The following LGALS8 variants were observed in gnomAD, a reference collection of about 807,000 sequenced individuals.
The protein encoded by LGALS8 is galectin 8.
A neutral mutation model predicts 35.9 loss-of-function variants in LGALS8; 30 were observed. That is an observed-to-expected ratio of 0.83 (90% CI 0.62 to 1.13). The LOEUF (loss-of-function observed/expected upper bound fraction) is 1.13, where lower values mean the gene tolerates loss of function less well. LGALS8 is among the 50% of genes most tolerant of loss of function. The pLI is 0.00. For synonymous variants in LGALS8, 138 were observed against 136.1 expected (o/e 1.01, Z -0.10); for missense variants, 366 against 388.7 (o/e 0.94, Z 0.49).
chr1:236,543,281 G>T, intron 7 of LGALS8: 1 of 636,464 alleles, frequency 1.6e-6, no homozygotes, highest in Non-Finnish European at 2.8e-6. Context: ...CAGACCCCAG[G>T]CACAGGGGGC....
rs1281631496 is a variant in LGALS8, at chr1:236,548,526, C to T, written c.*365C>T. ...AAACTGTGAAGAGCTAGGATATATA[C>T]TTGGTGAAACAAACCAGTATGTTCC... On this transcript the variant is annotated 3_prime_UTR_variant, in exon 10 of 10. Transcript: ENST00000366584. The T allele has an allele frequency of 1.6e-5, 4 of 256,504 alleles. No homozygotes were observed. The Admixed American group carries it at 2.0e-4, about 13-fold the overall frequency. 15.9% of individuals were successfully genotyped at this position (256,504 alleles called of 1,614,324 possible).
upstream of LGALS8, chr1:236,523,005 G>A (rs905606843): frequency 2.0e-5 from 3 of 152,210 alleles, no homozygotes; most frequent in Admixed American, 6.5e-5. Flanking sequence ...GTGGATAAAA[G>A]CCAAGTAGAG....
chr1:236,551,272 C>A lies in LGALS8; in HGVS notation c.*3111C>A, dbSNP rs1042291346. 7.4e-6 allele frequency: 3 copies of A among 406,174 alleles called. No homozygotes were observed. The highest frequency in any genetic ancestry group is 8.0e-5 in the South Asian group (2 of 24,960). The allele number at this position is 406,174 out of a possible 1,614,324, so 25.2% of individuals were successfully genotyped here. A position where few individuals can be genotyped will look rare whatever the true frequency, so the allele number is the denominator to read the frequency against. Reference sequence around the variant, plus strand: ...ACCCCTTTAGTAGCTCACACCTCCCCCCTCCAAGAGCTAAGAAACAAAGGA... The same window carrying A: ...ACCCCTTTAGTAGCTCACACCTCCCACCTCCAAGAGCTAAGAAACAAAGGA... On this transcript the variant is annotated 3_prime_UTR_variant, in exon 10 of 10. Coordinates refer to ENST00000366584, the MANE Select transcript of LGALS8 (RefSeq NM_201544.4).
chr1:236,544,923 TA>T lies in LGALS8; in HGVS notation c.804+9del, dbSNP rs1662270401. ...CCTGGGATGTACTTTGAGGTGAGGTTACAGTTTTTGAAAATGGGACAGCAAT... is the reference window on the plus strand; with the variant it reads ...CCTGGGATGTACTTTGAGGTGAGGTTCAGTTTTTGAAAATGGGACAGCAAT... On this transcript the variant is annotated intron_variant, in intron 9 of 9. Coordinates refer to ENST00000366584, the MANE Select transcript of LGALS8 (RefSeq NM_201544.4). 1.9e-6 allele frequency: 3 copies of T among 1,598,032 alleles called. No homozygotes were observed. Among genetic ancestry groups the T allele is most frequent in the South Asian group, 2.3e-5 (2 of 88,388 alleles).
At chr1:236,546,527 C>A (rs1662374097) in intron 9 of LGALS8, among the ~76,000 whole-genome samples, 1 of 119,752 alleles carries the variant, frequency 8.4e-6, no homozygotes, top group African/African-American at 3.2e-5. Flanking sequence ...GTGGGCTCTT[C>A]CTCTGGATGA....
In LGALS8 at chr1:236,552,177, G is replaced by T; in HGVS notation, c.*4016G>T. The T allele has an allele frequency of 1.0e-6, 1 of 988,554 alleles. No individual in the cohort carries two copies. Among genetic ancestry groups the T allele is most frequent in the Non-Finnish European group, 1.6e-6 (1 of 641,290 alleles). 61.2% of individuals were successfully genotyped at this position (988,554 alleles called of 1,614,324 possible). A position where few individuals can be genotyped will look rare whatever the true frequency, so the allele number is the denominator to read the frequency against. ...TATTTATTATCTTAAGAGCTGTACT[G>T]ACTTGAGACAAGCTCTAACTTTTTA... On this transcript the variant is annotated 3_prime_UTR_variant, in exon 10 of 10. Transcript: ENST00000366584.
In LGALS8 at chr1:236,548,036, G is replaced by T. The variant is rs753382420; in HGVS notation, c.829G>T (p.Glu277Ter). ...FEMIIYCDVR[E>*]FKVAVNGVHS... Reference sequence around the variant, plus strand: ...GATGATAATTTATTGTGATGTTAGAGAATTCAAGGTTGCAGTAAATGGCGT... The same window carrying T: ...GATGATAATTTATTGTGATGTTAGATAATTCAAGGTTGCAGTAAATGGCGT... The change falls in exon 10 of 10, where the codon GAA becomes TAA. Residue 277 changes from glutamate (E) to a stop codon, truncating the protein, a stop_gained. Coordinates refer to ENST00000366584, the MANE Select transcript of LGALS8 (RefSeq NM_201544.4). LOFTEE classifies it high-confidence loss of function. 1 of 1,611,692 alleles carries T rather than the reference G, an allele frequency of 6.2e-7. No homozygotes were observed.
chr1:236,527,287 A>G (rs747218513), intron 2 of LGALS8, among the ~76,000 whole-genome samples: 24 of 152,208 alleles, frequency 1.6e-4, no homozygotes, highest in Non-Finnish European at 3.1e-4. Context: ...ATTCTAGCAT[A>G]CTGCTGATTC....
chr1:236,526,819 G>A lies in LGALS8; in HGVS notation c.45+704G>A, dbSNP rs1660840949. On this transcript the variant is annotated intron_variant, in intron 2 of 9. Transcript: ENST00000366584. The surrounding 1 kb of genome is among the most constrained non-coding windows in gnomAD (Gnocchi z 4.6). Reference sequence around the variant, plus strand: ...CTAGAAGATTCTTGGGCAAAAGGAAGGGTGAGAATCCTTAAAATGAGGCCC... The same window carrying A: ...CTAGAAGATTCTTGGGCAAAAGGAAAGGTGAGAATCCTTAAAATGAGGCCC... Among the ~76,000 whole-genome samples, 2 of 152,174 alleles carry A rather than the reference G, an allele frequency of 1.3e-5. No individual in the cohort carries two copies. The highest frequency in any genetic ancestry group is 1.3e-4 in the Admixed American group (2 of 15,272).
upstream of LGALS8, among the ~76,000 whole-genome samples, chr1:236,520,713 T>C (rs1660526328): frequency 6.6e-6 from 1 of 152,178 alleles, no homozygotes; most frequent in Non-Finnish European, 1.5e-5. Context: ...TTTATTGGCG[T>C]TGTCTTATCT....
At chr1:236,527,437 T>A (rs949155627) in intron 2 of LGALS8, among the ~76,000 whole-genome samples, 1 of 152,228 alleles carries the variant, frequency 6.6e-6, no homozygotes, top group Non-Finnish European at 1.5e-5. Flanking sequence ...ATGGGCTGGA[T>A]GCTGTTCTGA....
intron 1 of LGALS8, chr1:236,524,831 A>AT (rs1660725740): frequency 5.2e-6 from 1 of 193,576 alleles, no homozygotes; most frequent in African/African-American, 2.3e-5. Context: ...TGACTAACGA[A>AT]TTAAGTTAAT....
intron 2 of LGALS8, among the ~76,000 whole-genome samples, chr1:236,530,692 T>C (rs1383734704): frequency 6.6e-6 from 1 of 152,224 alleles, no homozygotes; most frequent in Non-Finnish European, 1.5e-5. Context: ...TGTTTAACTT[T>C]TGCCTCCTCC....
chr1:236,538,871 T>G lies in LGALS8; in HGVS notation c.135-8T>G, dbSNP rs750147459. 2 of 1,608,668 alleles carry G rather than the reference T, an allele frequency of 1.2e-6. No homozygotes were observed. The highest frequency in any genetic ancestry group is 2.7e-5 in the African/African-American group (2 of 74,794). On this transcript the variant is annotated splice_region_variant and splice_polypyrimidine_tract_variant and intron_variant, in intron 3 of 9. Coordinates refer to ENST00000366584, the MANE Select transcript of LGALS8 (RefSeq NM_201544.4). ...ACTCATGGGGCCCCTGTGTCTTCCCTCATATAGATTCCAGGTGGATCTGCA... is the reference window on the plus strand; with the variant it reads ...ACTCATGGGGCCCCTGTGTCTTCCCGCATATAGATTCCAGGTGGATCTGCA...
In LGALS8 at chr1:236,524,059, T is replaced by C. The variant is rs1231199743; in HGVS notation, c.-106T>C. ...GTGGAGCGCCTGAAACACCAGTCTT[T>C]GGGTGAGTCGCGCGACCCCCGGCCT... On this transcript the variant is annotated splice_region_variant and 5_prime_UTR_variant, in exon 1 of 10. Transcript: ENST00000366584. The C allele has an allele frequency of 2.2e-6, 1 of 454,158 alleles. No individual in the cohort carries two copies. The highest frequency in any genetic ancestry group is 4.4e-6 in the Non-Finnish European group (1 of 226,430). 28.1% of individuals were successfully genotyped at this position (454,158 alleles called of 1,614,324 possible).
chr1:236,552,241 C>T lies in LGALS8; in HGVS notation c.*4080C>T, dbSNP rs1371400910. The T allele has an allele frequency of 1.1e-5, 6 of 558,822 alleles. No individual in the cohort carries two copies. The East Asian group carries it at 1.8e-4, about 17-fold the overall frequency. The allele number at this position is 558,822 out of a possible 1,614,324, so 34.6% of individuals were successfully genotyped here. ...ATGCGTTTATTCACTTCATTATGTT[C>T]ATTAAGCTTTCATCTTAGAATACCA... On this transcript the variant is annotated 3_prime_UTR_variant, in exon 10 of 10. Transcript: ENST00000366584.
Position 236,544,730 on chromosome 1 carries a change from T to TC in LGALS8, c.639-20_639-19insC, listed in dbSNP as rs552682111. On this transcript the variant is annotated intron_variant, in intron 8 of 9. Coordinates refer to ENST00000366584, the MANE Select transcript of LGALS8 (RefSeq NM_201544.4). Reference sequence around the variant, plus strand: ...CTACTTGGTTAATTAAGGTTTTTTTTTTTCTTTCTTTCTCAAAAGCTTTAA... The same window carrying TC: ...CTACTTGGTTAATTAAGGTTTTTTTTCTTTCTTTCTTTCTCAAAAGCTTTAA... 1 of 1,571,284 alleles carries TC rather than the reference T, an allele frequency of 6.4e-7. No homozygotes were observed. The highest frequency in any genetic ancestry group is 1.2e-5 in the South Asian group (1 of 83,674).
chr1:236,537,008 A>ATC (rs1661555321), intron 2 of LGALS8, among the ~76,000 whole-genome samples: 1 of 145,108 alleles, frequency 6.9e-6, no homozygotes, highest in Admixed American at 6.9e-5. Context: ...CCTGGCCATG[A>ATC]GGTATGCAGT....
intron 2 of LGALS8, among the ~76,000 whole-genome samples, chr1:236,534,604 TAAA>T (rs543091311): frequency 7.0e-6 from 1 of 142,644 alleles, no homozygotes; most frequent in African/African-American, 2.6e-5. Context: ...GTCTCATAGT[TAAA>T]AAAAAAAAAA....
Sources: allele counts gnomAD v4.1 joint callset (sites outside exome capture counted in the v4.1 genomes callset), GRCh38; gene constraint gnomAD v4.1.1; non-coding constraint Gnocchi (gnomAD v3.1); transcripts MANE v1.5; gene names NCBI Gene and HGNC (gene_info 2026-07-23, HGNC 2026-07-21).